The following RAP1GAP2 variants were observed in gnomAD, a reference collection of about 807,000 sequenced individuals.
RAP1GAP2 encodes the protein rap1 GTPase-activating protein 2.
Under a neutral mutation model 95.0 loss-of-function variants are expected in RAP1GAP2, and 27 were observed. That is an observed-to-expected ratio of 0.28 (90% CI 0.21 to 0.39). The LOEUF is 0.39. Among genes scored for constraint, RAP1GAP2 ranks in the 10% least tolerant of loss-of-function variants. RAP1GAP2 has a pLI of 1.00. For missense variants in RAP1GAP2, 771 were observed against 970.0 expected (o/e 0.79, Z 2.72); for synonymous variants, 373 against 380.9 (o/e 0.98, Z 0.24).
chr17:2,819,242 G>C (rs550702731), intron 2 of RAP1GAP2, among the ~76,000 whole-genome samples: 1 of 151,562 alleles, frequency 6.6e-6, no homozygotes, highest in Non-Finnish European at 1.5e-5. Flanking sequence ...GGATGGTCTC[G>C]ATCTCCTGAC....
intron 2 of RAP1GAP2, among the ~76,000 whole-genome samples, chr17:2,846,404 GTTTGT>G (rs777092074): frequency 1.3e-5 from 2 of 151,984 alleles, no homozygotes; most frequent in African/African-American, 2.4e-5. Context: ...GACTTTGGCG[GTTTGT>G]TTTGTTTTGT....
chr17:2,816,333 C>G (rs1402057618), intron 2 of RAP1GAP2, among the ~76,000 whole-genome samples: 2 of 151,670 alleles, frequency 1.3e-5, no homozygotes, highest in Non-Finnish European at 2.9e-5. Context: ...TCATCAAACC[C>G]TCTTATTTAT....
upstream of RAP1GAP2, among the ~76,000 whole-genome samples, chr17:2,791,846 C>T (rs2068933183): frequency 6.6e-6 from 1 of 151,490 alleles, no homozygotes; most frequent in Non-Finnish European, 1.5e-5. Flanking sequence ...CAGACCGCTT[C>T]CCTTTTCTCT....
In RAP1GAP2 at chr17:3,010,493, T is replaced by C. The variant is rs535284341; in HGVS notation, c.1494+2348T>C. Among the ~76,000 whole-genome samples the C allele has an allele frequency of 6.6e-5, 10 of 152,320 alleles. No individual in the cohort carries two copies. The East Asian group carries it at 1.9e-3, about 29-fold the overall frequency. On this transcript the variant is annotated intron_variant, in intron 17 of 24. Coordinates refer to ENST00000254695, the MANE Select transcript of RAP1GAP2 (RefSeq NM_015085.5). ...ATTGGTTTTTCAGGTTTCAAGTATT[T>C]CTATATCCTGGAGATGCTTGTAGGC...
intron 2 of RAP1GAP2, among the ~76,000 whole-genome samples, chr17:2,880,320 A>T (rs1261114559): frequency 3.3e-5 from 2 of 60,122 alleles, no homozygotes; most frequent in South Asian, 6.2e-4. Context: ...AGGAAGTGAG[A>T]GGGGTGGGAG....
intron 3 of RAP1GAP2, among the ~76,000 whole-genome samples, chr17:2,935,842 C>T (rs1202669159): frequency 1.3e-5 from 2 of 152,196 alleles, no homozygotes; most frequent in Non-Finnish European, 2.9e-5. Context: ...GTCCCATGCT[C>T]TCTTCACCGG....
intron 2 of RAP1GAP2, among the ~76,000 whole-genome samples, chr17:2,901,078 C>T (rs142564224): frequency 2.0e-5 from 3 of 152,360 alleles, no homozygotes; most frequent in Non-Finnish European, 4.4e-5. Flanking sequence ...TCAGCTTCCA[C>T]TCCAGGCCCC....
intron 3 of RAP1GAP2, among the ~76,000 whole-genome samples, chr17:2,936,669 A>T (rs1207485665): frequency 6.6e-6 from 1 of 151,968 alleles, no homozygotes; most frequent in Non-Finnish European, 1.5e-5. Context: ...CTGGGCTCTG[A>T]TATTGAGTCT....
intron 1 of RAP1GAP2, among the ~76,000 whole-genome samples, chr17:2,767,408 C>G (rs575225873): frequency 9.4e-4 from 136 of 144,384 alleles, no homozygotes; most frequent in African/African-American, 3.3e-3. Flanking sequence ...GGTAATCTCT[C>G]TCCTGTGTGA....
intron 3 of RAP1GAP2, among the ~76,000 whole-genome samples, chr17:2,937,181 AGTG>A (rs1206281499): frequency 3.9e-5 from 6 of 152,134 alleles, no homozygotes; most frequent in Non-Finnish European, 5.9e-5. Context: ...AAGCAAATAA[AGTG>A]GAGTGGGAAG....
intron 2 of RAP1GAP2, 64 bp from the exon 3 acceptor site, chr17:2,905,220 C>T (rs1293435512): frequency 1.4e-6 from 2 of 1,480,928 alleles, no homozygotes; most frequent in South Asian, 2.3e-5. Context: ...AGCCCAGTCA[C>T]TCTTGGAGGA....
chr17:2,807,665 GTGAAGCAGC>G (rs2069577455), intron 2 of RAP1GAP2, among the ~76,000 whole-genome samples: 1 of 152,176 alleles, frequency 6.6e-6, no homozygotes, highest in Non-Finnish European at 1.5e-5. Context: ...GCAGTGGGGC[GTGAAGCAGC>G]TTCAGCAGGT....
intron 1 of RAP1GAP2, among the ~76,000 whole-genome samples, chr17:2,768,144 T>C (rs1454978338): frequency 1.3e-5 from 2 of 152,158 alleles, no homozygotes; most frequent in African/African-American, 4.8e-5. Context: ...GCAAGCATTG[T>C]CCACTTGCTG....
chr17:2,789,027 G>C (rs1124040), intron 1 of RAP1GAP2, among the ~76,000 whole-genome samples: 9 of 151,856 alleles, frequency 5.9e-5, no homozygotes, highest in African/African-American at 2.2e-4. Context: ...ACATTAATGG[G>C]ACGCCCGTTT....
intron 22 of RAP1GAP2, among the ~76,000 whole-genome samples, chr17:3,030,465 C>T (rs1326840930): frequency 6.6e-6 from 1 of 152,146 alleles, no homozygotes; most frequent in African/African-American, 2.4e-5. Context: ...GTACCAGTTT[C>T]TGTGGTGTAA....
intron 1 of RAP1GAP2, chr17:2,770,277 G>GGAGCTCTGCA: frequency 2.5e-6 from 1 of 398,402 alleles, no homozygotes; most frequent in Non-Finnish European, 4.4e-6. Context: ...ACTCTCCCAA[G>GGAGCTCTGCA]GAGCTCTGCA....
chr17:3,006,429 C>CA (rs2046337228), intron 16 of RAP1GAP2, among the ~76,000 whole-genome samples: 1 of 147,794 alleles, frequency 6.8e-6, no homozygotes. Flanking sequence ...TGCGCCTGGC[C>CA]AATCAGTCCT....
chr17:2,849,009 C>G (rs780613766), intron 2 of RAP1GAP2, among the ~76,000 whole-genome samples: 1 of 152,126 alleles, frequency 6.6e-6, no homozygotes. Context: ...TGTCTTAGCA[C>G]AGGTGTGAGC....
chr17:2,836,801 G>A (rs2071150238), intron 2 of RAP1GAP2, among the ~76,000 whole-genome samples: 1 of 152,162 alleles, frequency 6.6e-6, no homozygotes, highest in Non-Finnish European at 1.5e-5. Context: ...TTATAAGGCA[G>A]CCACTGGCAG....
Sources: gnomAD v4.1 joint callset for allele counts (sites outside exome capture counted in the v4.1 genomes callset) on GRCh38, gnomAD v4.1.1 for gene constraint, MANE v1.5 for transcripts, NCBI Gene and HGNC (gene_info 2026-07-23, HGNC 2026-07-21) for gene names.